The following KCND3 variants were observed in gnomAD, a reference collection of about 807,000 sequenced individuals.
KCND3 encodes potassium voltage-gated channel subfamily D member 3, also known as A-type voltage-gated potassium channel KCND3.
In KCND3, 9 loss-of-function variants were observed where a neutral mutation model predicts 51.1. The observed-to-expected ratio is 0.18, with a 90% CI of 0.11 to 0.31. The LOEUF is 0.31. Among genes scored for constraint, KCND3 ranks in the 10% least tolerant of loss-of-function variants. The pLI is 1.00. For missense variants in KCND3, 526 were observed against 903.8 expected, an observed-to-expected ratio of 0.58 and a Z score of 5.36; for synonymous variants, 349 against 368.0, an observed-to-expected ratio of 0.95 and a Z score of 0.59.
chr1:111,889,618 G>A (rs1239249102), intron 2 of KCND3, among the ~76,000 whole-genome samples: 4 of 152,158 alleles, frequency 2.6e-5, no homozygotes, highest in East Asian at 3.9e-4. Flanking sequence ...ACAGGTCTAT[G>A]CCTGTCTCTG....
At position 111,778,584 on chromosome 1, in the gene KCND3, C is replaced by T. The variant is rs544057564; in HGVS notation, c.1462-92G>A. Reference sequence around the variant, plus strand: ...AGTTTTGACATTCAATCTCTTGATCCCGGCATTCCACCCTTTGAGTCAAAC... The same window carrying T: ...AGTTTTGACATTCAATCTCTTGATCTCGGCATTCCACCCTTTGAGTCAAAC... On this transcript the variant is annotated intron_variant, in intron 5 of 7. Coordinates refer to ENST00000302127, the MANE Select transcript of KCND3 (RefSeq NM_001378969.1). The T allele has an allele frequency of 2.2e-5, 27 of 1,207,540 alleles. No individual in the cohort carries two copies. In the African/African-American group the frequency reaches 3.9e-4, roughly 17 times the overall value. The allele number at this position is 1,207,540 out of a possible 1,614,324, so 74.8% of individuals were successfully genotyped here.
chr1:111,960,069 T>G (rs181209828), intron 2 of KCND3, among the ~76,000 whole-genome samples: 7 of 152,214 alleles, frequency 4.6e-5, no homozygotes, highest in African/African-American at 1.7e-4. Flanking sequence ...TTGCTTCCCC[T>G]TCCACCATGA....
intron 2 of KCND3, among the ~76,000 whole-genome samples, chr1:111,961,892 C>G (rs1459171168): frequency 6.6e-6 from 1 of 152,190 alleles, no homozygotes; most frequent in Admixed American, 6.5e-5. Context: ...GCCCACAGAG[C>G]CAAGCCTTCA....
At position 111,775,819 on chromosome 1, in the gene KCND3, A is replaced by AGCCCCCC; in HGVS notation, c.*257_*258insGGGGGGC. Reference sequence around the variant, plus strand: ...GCCTATATCCCCCGGCCTATCCCCGACCCCCCCACCCTCCCTCCCTTCCTC... The same window carrying AGCCCCCC: ...GCCTATATCCCCCGGCCTATCCCCGAGCCCCCCCCCCCCCACCCTCCCTCCCTTCCTC... On this transcript the variant is annotated 3_prime_UTR_variant, in exon 8 of 8. Coordinates refer to ENST00000302127, the MANE Select transcript of KCND3 (RefSeq NM_001378969.1). The AGCCCCCC allele has an allele frequency of 1.0e-5, 1 of 97,706 alleles. No homozygotes were observed. The allele number at this position is 97,706 out of a possible 1,614,324, so 6.1% of individuals were successfully genotyped here. A position where few individuals can be genotyped will look rare whatever the true frequency, so the allele number is the denominator to read the frequency against.
intron 2 of KCND3, among the ~76,000 whole-genome samples, chr1:111,889,434 A>G (rs147364680): frequency 6.6e-6 from 1 of 152,348 alleles, no homozygotes; most frequent in East Asian, 1.9e-4. Context: ...GCACAAAACA[A>G]AGATATCTGT....
chr1:111,810,435 G>T (rs886951143), intron 2 of KCND3, among the ~76,000 whole-genome samples: 2 of 152,224 alleles, frequency 1.3e-5, no homozygotes, highest in East Asian at 3.9e-4. Flanking sequence ...CATCCCTCCA[G>T]TTTGCCCAAA....
intron 2 of KCND3, among the ~76,000 whole-genome samples, chr1:111,895,856 G>C (rs1299155611): frequency 1.3e-5 from 2 of 152,254 alleles, no homozygotes; most frequent in Non-Finnish European, 2.9e-5. Context: ...CTGGGGGTAA[G>C]AGTATGACGA....
rs762069201 is a variant in KCND3 at position 111,982,349 on chromosome 1, C to G, written c.378G>C (p.Glu126Asp). ...CCTCGTAGCAGCAGTCCCCGATGAT[C>G]TCCGGGAGGATGCCGTAGAAGGCCA... is the stretch of plus-strand genomic sequence containing the variant. The part of the protein sequence containing the change: ...DELAFYGILP[E>D]IIGDCCYEEY... The change falls in exon 2 of 8, where the codon GAG (glutamate) becomes GAC (aspartate). Residue 126 changes from glutamate to aspartate, a missense_variant. By Grantham distance (45) the Glu-to-Asp change is conservative. Around this residue, in one of 5 missense-constraint regions of KCND3, gnomAD observed 159 missense variants for 262.8 expected, o/e 0.61. Coordinates refer to ENST00000302127, the MANE Select transcript of KCND3 (RefSeq NM_001378969.1). The surrounding 1 kb of genome is among the most constrained non-coding windows in gnomAD (Gnocchi z 8.5). 2 of 1,614,194 alleles carry G rather than the reference C, an allele frequency of 1.2e-6. No homozygotes were observed. Among genetic ancestry groups the G allele is most frequent in the Non-Finnish European group, 1.7e-6 (2 of 1,180,050 alleles).
At chr1:111,821,314 G>A (rs1666338342) in intron 2 of KCND3, among the ~76,000 whole-genome samples, 1 of 152,184 alleles carries the variant, frequency 6.6e-6, no homozygotes. Flanking sequence ...AGCAGAGCTG[G>A]TTCCAGGACA....
chr1:111,879,602 G>A (rs1669208749), intron 2 of KCND3, among the ~76,000 whole-genome samples: 2 of 152,222 alleles, frequency 1.3e-5, no homozygotes, highest in South Asian at 4.1e-4. Flanking sequence ...AAGAGAGTCT[G>A]GGGAAAAACA....
chr1:111,883,029 G>A (rs774263071), intron 2 of KCND3, among the ~76,000 whole-genome samples: 2 of 152,252 alleles, frequency 1.3e-5, no homozygotes, highest in Non-Finnish European at 2.9e-5. Flanking sequence ...GCCTAAAACA[G>A]TTTGGATCAA....
chr1:111,805,298 G>A (rs1203422009), intron 2 of KCND3, among the ~76,000 whole-genome samples: 6 of 152,206 alleles, frequency 3.9e-5, no homozygotes, highest in African/African-American at 1.2e-4. Context: ...ACAGGGCAAC[G>A]TGGGGACACT....
At position 111,982,327 on chromosome 1, in the gene KCND3, C is replaced by T; in HGVS notation, c.400G>A (p.Glu134Lys). The T allele has an allele frequency of 1.2e-6, 2 of 1,614,160 alleles. No individual in the cohort carries two copies. The highest frequency in any genetic ancestry group is 2.2e-5 in the East Asian group (1 of 44,868). The change falls in exon 2 of 8, where the codon GAG (glutamate) becomes AAG (lysine). Residue 134 changes from glutamate (E) to lysine (K), a missense_variant. Glu to Lys is a moderately conservative substitution (Grantham distance 56, BLOSUM62 1). This residue lies in a region of KCND3 where 159 missense variants were observed against 262.8 expected (regional missense o/e 0.61). Transcript: ENST00000302127. The surrounding 1 kb of genome is among the most constrained non-coding windows in gnomAD (Gnocchi z 8.5). The stretch of plus-strand genomic sequence containing the variant: ...TCCCTCTTGCGGTCCTTGTACTCCT[C>T]GTAGCAGCAGTCCCCGATGATCTCC... ...LPEIIGDCCYEEYKDRKRENA... is the reference protein window; with the variant it reads ...LPEIIGDCCYKEYKDRKRENA...
chr1:111,779,945 A>G (rs1189884134), intron 5 of KCND3, among the ~76,000 whole-genome samples: 1 of 152,222 alleles, frequency 6.6e-6, no homozygotes, highest in East Asian at 1.9e-4. Flanking sequence ...TAAGTCCTCA[A>G]TAATCAAGAA....
chr1:111,940,092 TTTTTG>T (rs1288659123), intron 2 of KCND3, among the ~76,000 whole-genome samples: 6 of 145,534 alleles, frequency 4.1e-5, no homozygotes, highest in African/African-American at 1.5e-4. Flanking sequence ...TTTTTTTTTT[TTTTTG>T]TAAGTTCCTT....
At chr1:111,943,849 G>A (rs1571882801) in intron 2 of KCND3, among the ~76,000 whole-genome samples, 1 of 152,304 alleles carries the variant, frequency 6.6e-6, no homozygotes, top group East Asian at 1.9e-4. Context: ...AGTTGACTCG[G>A]CCCAGGAGTG....
At chr1:111,776,357 G>T in intron 7 of KCND3, 79 bp from the exon 8 acceptor site, 3 of 1,345,596 alleles carry the variant, frequency 2.2e-6, no homozygotes, top group Non-Finnish European at 3.1e-6. Flanking sequence ...TACATTTCTT[G>T]CTCGTGGTAA....
intron 2 of KCND3, among the ~76,000 whole-genome samples, chr1:111,883,823 G>A (rs995554041): frequency 2.0e-5 from 3 of 152,166 alleles, no homozygotes; most frequent in Admixed American, 2.0e-4. Flanking sequence ...CTCAATAATA[G>A]CCACAATATT....
chr1:111,970,657 T>C (rs1273530870), intron 2 of KCND3, among the ~76,000 whole-genome samples: 1 of 152,212 alleles, frequency 6.6e-6, no homozygotes. Flanking sequence ...ATGAAGCCAG[T>C]GGACTCTAAT....
Sources: gnomAD v4.1 joint callset for allele counts (sites outside exome capture counted in the v4.1 genomes callset) on GRCh38, gnomAD v4.1.1 for gene constraint, gnomAD v4.1.1 regional missense constraint, Gnocchi (gnomAD v3.1) non-coding constraint, MANE v1.5 for transcripts, NCBI Gene and HGNC (gene_info 2026-07-23, HGNC 2026-07-21) for gene names.